Variants in MET observed in about 807,000 individuals in gnomAD.
MET encodes the protein hepatocyte growth factor receptor.
Under a neutral mutation model 133.1 loss-of-function variants are expected in MET, and 48 were observed. The observed-to-expected ratio is 0.36, with a 90% CI of 0.29 to 0.46. MET has a LOEUF of 0.46. Ranked by LOEUF, MET falls within the 20% of genes least tolerant of loss-of-function variation. MET has a pLI of 1.00. For synonymous variants in MET, 628 were observed against 616.5 expected (o/e 1.02, Z -0.28); for missense variants, 1,442 against 1,695.9 (o/e 0.85, Z 2.63).
intron 1 of MET, 59 bp downstream of exon 1, chr7:116,672,636 T>C (rs1796015923): frequency 2.7e-6 from 1 of 374,282 alleles, no homozygotes; most frequent in Non-Finnish European, 4.7e-6. Context: ...GGGTTCTGCT[T>C]TCTTTGTTCC....
intron 1 of MET, among the ~76,000 whole-genome samples, chr7:116,689,802 G>C (rs547746073): frequency 6.6e-6 from 1 of 152,012 alleles, no homozygotes; most frequent in Admixed American, 6.6e-5. Context: ...TCAAGCAATC[G>C]TCTGGCCTCA....
intron 5 of MET, among the ~76,000 whole-genome samples, chr7:116,753,232 G>T (rs1225646520): frequency 2.0e-5 from 3 of 152,178 alleles, no homozygotes; most frequent in East Asian, 1.9e-4. Context: ...AATTGTAAAA[G>T]AATCACTTTT....
intron 2 of MET, among the ~76,000 whole-genome samples, chr7:116,714,745 GCACACACACACACA>G (rs142954535): frequency 1.4e-5 from 2 of 145,018 alleles, no homozygotes; most frequent in Non-Finnish European, 3.0e-5. Flanking sequence ...TCACATGCAC[GCACACACACACACA>G]CACACACACA....
chr7:116,777,354 T>C (rs776202512), intron 15 of MET, 35 bp from the exon 16 acceptor site: 1 of 1,503,486 alleles, frequency 6.7e-7, no homozygotes, highest in Non-Finnish European at 9.3e-7. Flanking sequence ...AATTAAATGT[T>C]ACGCAGTGCT....
chr7:116,702,934 C>T lies in MET; in HGVS notation c.1200+2650C>T, dbSNP rs1791634968. Among the ~76,000 whole-genome samples the T allele has an allele frequency of 4.7e-5, 7 of 147,718 alleles. No homozygotes were observed. In the South Asian group the frequency reaches 1.5e-3, roughly 31 times the overall value. The stretch of plus-strand genomic sequence containing the variant: ...TTAGGGGTCCAGCAGGTGTACCAGG[C>T]CTGACTTGCTTGTTTAGGATCACAT... On this transcript the variant is annotated intron_variant, in intron 2 of 20. Coordinates refer to ENST00000397752, the MANE Select transcript of MET (RefSeq NM_000245.4).
chr7:116,734,807 C>G (rs1425619832), intron 3 of MET, among the ~76,000 whole-genome samples: 1 of 152,160 alleles, frequency 6.6e-6, no homozygotes, highest in African/African-American at 2.4e-5. Context: ...GGAACATTAA[C>G]ACAGTGTACA....
rs375317290 is a variant in MET at position 116,716,685 on chromosome 7, G to A, written c.1201-14983G>A. On this transcript the variant is annotated intron_variant, in intron 2 of 20. Coordinates refer to ENST00000397752, the MANE Select transcript of MET (RefSeq NM_000245.4). The stretch of plus-strand genomic sequence containing the variant: ...GATGGCTTTGAACATCATCAATGGC[G>A]TATTCAAACATAGCTTGAAGGCATT... Among the ~76,000 whole-genome samples, 13 of 152,284 alleles carry A rather than the reference G, an allele frequency of 8.5e-5. No homozygotes were observed. The East Asian group carries it at 1.7e-3, about 20-fold the overall frequency.
chr7:116,672,908 A>G (rs1796024823), intron 1 of MET, among the ~76,000 whole-genome samples: 1 of 152,148 alleles, frequency 6.6e-6, no homozygotes, highest in Non-Finnish European at 1.5e-5. Context: ...GGATCCGGTC[A>G]TCCTCGTCCC....
intron 2 of MET, among the ~76,000 whole-genome samples, chr7:116,711,163 A>G (rs1273460822): frequency 6.6e-6 from 1 of 152,246 alleles, no homozygotes; most frequent in Non-Finnish European, 1.5e-5. Context: ...ACTCTGAAGT[A>G]CGGGTAAATC....
At chr7:116,679,231 C>T (rs1796265294) in intron 1 of MET, among the ~76,000 whole-genome samples, 1 of 152,142 alleles carries the variant, frequency 6.6e-6, no homozygotes, top group South Asian at 2.1e-4. Flanking sequence ...TTCTTCTGCC[C>T]AGAAACTTCT....
intron 1 of MET, among the ~76,000 whole-genome samples, chr7:116,690,412 AC>A (rs1312144662): frequency 6.6e-6 from 1 of 151,806 alleles, no homozygotes; most frequent in Non-Finnish European, 1.5e-5. Flanking sequence ...TCTCCACTAC[AC>A]TCCACCTTGT....
At chr7:116,686,741 C>A (rs1178903165) in intron 1 of MET, among the ~76,000 whole-genome samples, 2 of 152,214 alleles carry the variant, frequency 1.3e-5, no homozygotes, top group African/African-American at 4.8e-5. Flanking sequence ...GTGGCCACAG[C>A]CTAATCTTAT....
At chr7:116,741,528 T>C (rs555892420) in intron 5 of MET, among the ~76,000 whole-genome samples, 1 of 152,302 alleles carries the variant, frequency 6.6e-6, no homozygotes, top group South Asian at 2.1e-4. Context: ...TGGTGATCCC[T>C]GCCATGCTGG....
chr7:116,779,480 T>A (rs1795091642), intron 17 of MET, among the ~76,000 whole-genome samples: 1 of 152,238 alleles, frequency 6.6e-6, no homozygotes, highest in South Asian at 2.1e-4. Flanking sequence ...CGTAATGCCA[T>A]CTTCAACATA....
chr7:116,759,704 G>A, intron 10 of MET: 1 of 590,706 alleles, frequency 1.7e-6, no homozygotes, highest in East Asian at 3.3e-5. Context: ...ATACACACAT[G>A]CACATATAAT....
chr7:116,759,969 G>T (rs1584944357), intron 10 of MET, among the ~76,000 whole-genome samples: 2 of 152,112 alleles, frequency 1.3e-5, no homozygotes, highest in South Asian at 4.1e-4. Context: ...TAGAGACGAG[G>T]TTTCACCATG....
intron 12 of MET, among the ~76,000 whole-genome samples, chr7:116,770,395 A>G (rs1794793777): frequency 6.6e-6 from 1 of 152,256 alleles, no homozygotes; most frequent in African/African-American, 2.4e-5. Context: ...TATATTGTCA[A>G]TTTCTTTGAA....
chr7:116,770,006 AC>A, intron 12 of MET: 1 of 639,512 alleles, frequency 1.6e-6, no homozygotes, highest in Non-Finnish European at 2.7e-6. Context: ...AGTTCTTTCT[AC>A]CCACACTGCT....
chr7:116,721,350 T>A (rs1429750625), intron 2 of MET, among the ~76,000 whole-genome samples: 1 of 152,188 alleles, frequency 6.6e-6, no homozygotes, highest in African/African-American at 2.4e-5. Flanking sequence ...TATCATTTTT[T>A]ATTGTGTCTA....
Sources: allele counts gnomAD v4.1 joint callset (sites outside exome capture counted in the v4.1 genomes callset), GRCh38; gene constraint gnomAD v4.1.1; transcripts MANE v1.5; gene names NCBI Gene and HGNC (gene_info 2026-07-23, HGNC 2026-07-21).